FRMPD2: variants seen among roughly 807,000 people sequenced by gnomAD.
The protein encoded by FRMPD2 is FERM and PDZ domain-containing protein 2.
In FRMPD2, 96 loss-of-function variants were observed where a neutral mutation model predicts 140.1. The ratio of observed to expected loss-of-function variants is 0.69; its 90% CI spans 0.58 to 0.81. The LOEUF is 0.81. Among genes scored for constraint, FRMPD2 ranks in the 40% least tolerant of loss-of-function variants. The pLI, the probability that FRMPD2 is intolerant of heterozygous loss-of-function variation, is 0.00. For missense variants in FRMPD2, 1,240 were observed against 1,447.4 expected (o/e 0.86, Z 2.32); for synonymous variants, 449 against 547.6 (o/e 0.82, Z 2.52).
At chr10:48,269,733 C>T (rs1302583121) in intron 1 of FRMPD2, among the ~76,000 whole-genome samples, 1 of 152,156 alleles carries the variant, frequency 6.6e-6, no homozygotes, top group Non-Finnish European at 1.5e-5. Context: ...TTAATCCATC[C>T]AGAGCAGACC....
chr10:48,174,337 A>T (rs2132410548), intron 24 of FRMPD2, among the ~76,000 whole-genome samples: 1 of 152,360 alleles, frequency 6.6e-6, no homozygotes, highest in Admixed American at 6.5e-5. Flanking sequence ...AAGGGGACAT[A>T]AAGGATGAAT....
chr10:48,185,448 A>C, intron 18 of FRMPD2, 105 bp downstream of exon 18: 1 of 765,738 alleles, frequency 1.3e-6, no homozygotes, highest in Non-Finnish European at 2.4e-6. Context: ...CTGGGAGAGG[A>C]GGGATAGGAA....
In FRMPD2 at chr10:48,186,445, A is replaced by G. The variant is rs569596731; in HGVS notation, c.2266+747T>C. Among the ~76,000 whole-genome samples the G allele has an allele frequency of 7.9e-5, 12 of 152,316 alleles. No individual in the cohort carries two copies. The East Asian group carries it at 2.3e-3, about 29-fold the overall frequency. On this transcript the variant is annotated intron_variant, in intron 17 of 28. Coordinates refer to ENST00000374201, the MANE Select transcript of FRMPD2 (RefSeq NM_001018071.4). The stretch of plus-strand genomic sequence containing the variant: ...ATGCTGTGGGAGGGACCCAGGGGGA[A>G]GTAACTGAATCACGGGGGCTGGTCT...
chr10:48,177,986 C>T (rs1265199699), intron 22 of FRMPD2, 61 bp downstream of exon 22: 60 of 703,712 alleles, frequency 8.5e-5, no homozygotes, highest in Admixed American at 6.2e-4. Flanking sequence ...GGTGGAATGG[C>T]CACCAGGTTC....
At chr10:48,186,103 A>T (rs921713282) in intron 17 of FRMPD2, among the ~76,000 whole-genome samples, 2 of 152,248 alleles carry the variant, frequency 1.3e-5, no homozygotes, top group African/African-American at 2.4e-5. Context: ...AGGTGCCAGC[A>T]GCCCAGCCTG....
chr10:48,209,374 T>C (rs1282496802), intron 13 of FRMPD2, among the ~76,000 whole-genome samples: 1 of 152,224 alleles, frequency 6.6e-6, no homozygotes. Flanking sequence ...GCTAATATAG[T>C]TGTGAATCTA....
intron 12 of FRMPD2, among the ~76,000 whole-genome samples, chr10:48,222,085 G>A (rs150358423): frequency 3.9e-3 from 590 of 151,500 alleles, no homozygotes; most frequent in African/African-American, 0.013. Flanking sequence ...ATGATAGACA[G>A]GTGAATAGGT....
intron 1 of FRMPD2, among the ~76,000 whole-genome samples, chr10:48,260,798 G>A (rs945797060): frequency 1.3e-5 from 2 of 152,136 alleles, no homozygotes; most frequent in Non-Finnish European, 2.9e-5. Flanking sequence ...TAAAACAAGT[G>A]AAAGAACCAG....
chr10:48,184,845 G>A lies in FRMPD2; in HGVS notation c.2396C>T (p.Ala799Val). The A allele has an allele frequency of 6.2e-7, 1 of 1,613,630 alleles. No individual in the cohort carries two copies. The highest frequency in any genetic ancestry group is 8.5e-7 in the Non-Finnish European group (1 of 1,179,698). The change falls in exon 19 of 29, where the codon GCT becomes GTT. Residue 799 changes from alanine (A) to valine (V), a missense_variant. By Grantham distance (64) the Ala-to-Val change is moderately conservative. Transcript: ENST00000374201. ...VINEGEYSGQ[A>V]DPGIFISSII... The stretch of plus-strand genomic sequence containing the variant: ...AGAAGATATAAAAATGCCAGGGTCA[G>A]CTTGGCCTGAATACTCTCCCTCATT...
intron 10 of FRMPD2, among the ~76,000 whole-genome samples, chr10:48,228,073 AAG>A (rs1205898653): frequency 6.6e-6 from 1 of 152,178 alleles, no homozygotes; most frequent in Non-Finnish European, 1.5e-5. Context: ...ACAATGAAAA[AAG>A]AGAGTTAAAA....
chr10:48,262,867 C>T (rs1160991324), intron 1 of FRMPD2, among the ~76,000 whole-genome samples: 2 of 152,072 alleles, frequency 1.3e-5, no homozygotes, highest in Admixed American at 6.6e-5. Flanking sequence ...CCTCCACCTC[C>T]TGGGTTCAAG....
intron 14 of FRMPD2, among the ~76,000 whole-genome samples, chr10:48,204,190 A>T (rs1839150968): frequency 1.3e-5 from 2 of 152,196 alleles, no homozygotes; most frequent in African/African-American, 4.8e-5. Flanking sequence ...CTCATCAGAA[A>T]TGAAAAACTA....
Position 48,273,352 on chromosome 10 carries a change from T to G in FRMPD2, c.25+1191A>C, listed in dbSNP as rs558109046. On this transcript the variant is annotated intron_variant, in intron 1 of 28. Coordinates refer to ENST00000374201, the MANE Select transcript of FRMPD2 (RefSeq NM_001018071.4). ...CCTATCTGGGACCTTCTGAGTGAAC[T>G]CTGGGCCATAGAAGGCCTTCCTTGC... Among the ~76,000 whole-genome samples the G allele has an allele frequency of 6.6e-5, 10 of 152,324 alleles. No homozygotes were observed. The South Asian group carries it at 1.9e-3, about 29-fold the overall frequency.
rs1173938094 is a variant in FRMPD2, at chr10:48,251,656, G to C, written c.61C>G (p.Leu21Val). Residue 21 changes from leucine (L) to valine (V), a missense_variant, in exon 2 of 29, where the codon CTA (leucine) becomes GTA (valine). Physicochemically the swap from Leu to Val is conservative, Grantham distance 32. Coordinates refer to ENST00000374201, the MANE Select transcript of FRMPD2 (RefSeq NM_001018071.4). ...GACAGAGCTTCACCCCTGACCTGTA[G>C]GGCGCTGGCCAGCGTCACAGAGGAC... ...SLSSVTLASALQVRGEALSEE... is the reference protein window; with the variant it reads ...SLSSVTLASAVQVRGEALSEE... 1 of 1,614,230 alleles carries C rather than the reference G, an allele frequency of 6.2e-7. No homozygotes were observed. The highest frequency in any genetic ancestry group is 1.6e-4 in the Middle Eastern group (1 of 6,062).
chr10:48,254,314 C>A (rs1257320841), intron 1 of FRMPD2, among the ~76,000 whole-genome samples: 1 of 152,216 alleles, frequency 6.6e-6, no homozygotes, highest in Non-Finnish European at 1.5e-5. Context: ...AATCTGCAAG[C>A]TAGCAGGTAG....
chr10:48,205,364 T>C (rs893831148), intron 14 of FRMPD2, among the ~76,000 whole-genome samples: 3 of 152,302 alleles, frequency 2.0e-5, no homozygotes, highest in African/African-American at 4.8e-5. Flanking sequence ...TGGGGGGAAA[T>C]AAATACCTGT....
At chr10:48,167,938 A>G (rs1430472577) in intron 27 of FRMPD2, among the ~76,000 whole-genome samples, 1 of 146,976 alleles carries the variant, frequency 6.8e-6, no homozygotes, top group African/African-American at 2.6e-5. Flanking sequence ...ATCTCCATCA[A>G]TTATTCTCTG....
At chr10:48,189,796 C>A (rs560405149) in intron 16 of FRMPD2, among the ~76,000 whole-genome samples, 1 of 152,338 alleles carries the variant, frequency 6.6e-6, no homozygotes, top group South Asian at 2.1e-4. Flanking sequence ...AGCAGCCGTC[C>A]CTGGTGCCCT....
chr10:48,251,177 C>A (rs1280341187), intron 2 of FRMPD2, among the ~76,000 whole-genome samples: 2 of 152,168 alleles, frequency 1.3e-5, no homozygotes, highest in African/African-American at 4.8e-5. Context: ...TGGGTGACCA[C>A]ACCCTGCCTC....
Sources: allele counts gnomAD v4.1 joint callset (sites outside exome capture counted in the v4.1 genomes callset), GRCh38; gene constraint gnomAD v4.1.1; transcripts MANE v1.5; gene names NCBI Gene and HGNC (gene_info 2026-07-23, HGNC 2026-07-21).